The following ITIH5 variants were observed in gnomAD, a reference collection of about 807,000 sequenced individuals.
The protein encoded by ITIH5 is inter-alpha-trypsin inhibitor heavy chain H5.
ITIH5 carries 65 observed loss-of-function variants against 77.5 expected under a neutral mutation model. That is an observed-to-expected ratio of 0.84 (90% CI 0.69 to 1.03). The LOEUF is 1.03. Ranked by LOEUF, ITIH5 falls within the 50% of genes least tolerant of loss-of-function variation. ITIH5 has a pLI of 0.00. For synonymous variants in ITIH5, 525 were observed against 494.3 expected (o/e 1.06, Z -0.82); for missense variants, 1,208 against 1,213.1 (o/e 1.00, Z 0.06).
intron 8 of ITIH5, 59 bp downstream of exon 8, chr10:7,585,842 C>T: frequency 9.9e-7 from 1 of 1,008,672 alleles, no homozygotes; most frequent in Non-Finnish European, 1.3e-6. Context: ...AAAAAAAAAC[C>T]AAAAAAAAAA....
intron 7 of ITIH5, among the ~76,000 whole-genome samples, chr10:7,603,098 G>C (rs976118532): frequency 5.3e-5 from 8 of 152,134 alleles, no homozygotes; most frequent in African/African-American, 1.9e-4. Flanking sequence ...TCCCACCTCT[G>C]AGTGTAGCTG....
Position 7,576,673 on chromosome 10 carries a change from C to T in ITIH5, c.1758G>A (p.Leu586=). 6.2e-7 allele frequency: 1 copy of T among 1,614,196 alleles called. No individual in the cohort carries two copies. The highest frequency in any genetic ancestry group is 1.1e-5 in the South Asian group (1 of 91,088). ...LWSYLTTKEL[L]SSWLQSDDEP... ...CATCGTCACTTTGCAGCCAGGAGCT[C>T]AGCAGCTCCTTTGTGGTGAGGTAGC... Residue 586 remains leucine, a synonymous_variant, in exon 10 of 14, where the codon CTG becomes CTA. Coordinates refer to ENST00000397146, the MANE Select transcript of ITIH5 (RefSeq NM_030569.7).
intron 2 of ITIH5, among the ~76,000 whole-genome samples, chr10:7,643,936 T>C (rs1031678233): frequency 6.6e-6 from 1 of 152,120 alleles, no homozygotes; most frequent in Non-Finnish European, 1.5e-5. Context: ...ATTAGAGAGG[T>C]GGCTACAAAT....
intron 5 of ITIH5, chr10:7,620,570 G>C (rs1253601164): frequency 1.3e-5 from 2 of 152,254 alleles, no homozygotes; most frequent in Non-Finnish European, 2.9e-5. Context: ...CATGACATTT[G>C]TACCGTTTAT....
chr10:7,591,616 C>G (rs944921712), intron 7 of ITIH5, among the ~76,000 whole-genome samples: 39 of 152,142 alleles, frequency 2.6e-4, no homozygotes, highest in African/African-American at 8.7e-4. Context: ...CCTTGGAGCT[C>G]CCTTCCTCTT....
intron 7 of ITIH5, among the ~76,000 whole-genome samples, chr10:7,588,791 A>G (rs915001821): frequency 3.9e-5 from 6 of 152,344 alleles, no homozygotes; most frequent in African/African-American, 1.2e-4. Context: ...CGGAGTGTAC[A>G]GGCTCTTCCT....
At chr10:7,572,113 C>CTGTG in intron 11 of ITIH5, 3 of 1,063,476 alleles carry the variant, frequency 2.8e-6, no homozygotes, top group Non-Finnish European at 3.4e-6. Context: ...TCCATAAAGC[C>CTGTG]TGTGTGTGTG....
intron 7 of ITIH5, among the ~76,000 whole-genome samples, chr10:7,612,805 T>C (rs536556341): frequency 3.5e-4 from 53 of 152,302 alleles, no homozygotes; most frequent in African/African-American, 1.2e-3. Context: ...GCAATTATCA[T>C]ACTGATCGTA....
At chr10:7,579,124 G>T (rs1255244262) in intron 9 of ITIH5, among the ~76,000 whole-genome samples, 4 of 152,220 alleles carry the variant, frequency 2.6e-5, no homozygotes, top group African/African-American at 9.6e-5. Context: ...TGGCCACTGT[G>T]CCAGTGCTAT....
chr10:7,656,417 G>A (rs1007019568), intron 1 of ITIH5, among the ~76,000 whole-genome samples: 1 of 152,120 alleles, frequency 6.6e-6, no homozygotes, highest in Non-Finnish European at 1.5e-5. Flanking sequence ...GTCTCGCTAT[G>A]TTGTCCAGGT....
chr10:7,562,780 G>C lies in ITIH5; in HGVS notation c.*303C>G, dbSNP rs868808076. On this transcript the variant is annotated 3_prime_UTR_variant, in exon 14 of 14. Transcript: ENST00000397146. ...GCTAACAGAACAGAAAAGCAGGTTG[G>C]GACAAGATACAGACTTTGTTGCATT... is the stretch of plus-strand genomic sequence containing the variant. 1.5e-4 allele frequency: 54 copies of C among 371,124 alleles called. No homozygotes were observed. The Middle Eastern group carries it at 3.1e-3, about 21-fold the overall frequency. 23.0% of individuals were successfully genotyped at this position (371,124 alleles called of 1,614,324 possible).
At chr10:7,628,855 C>CTGTTGTAGCGTGTGTCCA (rs1564269098) in intron 5 of ITIH5, among the ~76,000 whole-genome samples, 1,918 of 73,380 alleles carry the variant, frequency 0.026, 171 homozygotes, top group African/African-American at 0.078. Context: ...GCGTGTGTCC[C>CTGTTGTAGCGTGTGTCCA]TGTTGTAGCG....
chr10:7,609,284 G>T, intron 7 of ITIH5: 1 of 371,276 alleles, frequency 2.7e-6, no homozygotes, highest in Non-Finnish European at 5.3e-6. Flanking sequence ...AAAAATGCAG[G>T]ATACATTTAT....
intron 7 of ITIH5, among the ~76,000 whole-genome samples, chr10:7,604,862 G>A (rs1035816159): frequency 4.0e-5 from 6 of 151,894 alleles, no homozygotes; most frequent in South Asian, 2.1e-4. Flanking sequence ...AGTCTGTGTC[G>A]CCAGGCTGGA....
chr10:7,574,622 T>C (rs1832369581), intron 10 of ITIH5, among the ~76,000 whole-genome samples: 1 of 151,778 alleles, frequency 6.6e-6, no homozygotes, highest in African/African-American at 2.4e-5. Context: ...TGAAACCCCA[T>C]CTCTACTAAA....
Position 7,566,084 on chromosome 10 carries a change from C to G in ITIH5, c.2473G>C (p.Gly825Arg), listed in dbSNP as rs765058487. ...CCCTCGCTGTTGGCAATGTAGAAAC[C>G]CAGGTGGTGTCGCTGGAAGGGCGCC... Reference protein sequence around the residue: ...KPAPFQRHHLGFYIANSEGLS... With the variant: ...KPAPFQRHHLRFYIANSEGLS... Residue 825 changes from glycine to arginine, a missense_variant, in exon 13 of 14, where the codon GGT becomes CGT. Coordinates refer to ENST00000397146, the MANE Select transcript of ITIH5 (RefSeq NM_030569.7). 3.1e-6 allele frequency: 5 copies of G among 1,614,130 alleles called. No individual in the cohort carries two copies. The highest frequency in any genetic ancestry group is 4.2e-6 in the Non-Finnish European group (5 of 1,180,028).
At chr10:7,581,656 A>G (rs532468423) in intron 8 of ITIH5, among the ~76,000 whole-genome samples, 1 of 149,328 alleles carries the variant, frequency 6.7e-6, no homozygotes, top group African/African-American at 2.5e-5. Context: ...TTCTGCATGT[A>G]TGTTACACTA....
At chr10:7,580,534 A>G (rs576757161) in intron 8 of ITIH5, among the ~76,000 whole-genome samples, 21 of 152,370 alleles carry the variant, frequency 1.4e-4, no homozygotes, top group East Asian at 5.8e-4. Context: ...CTAAATGCAT[A>G]TAAGTGAATG....
intron 5 of ITIH5, 95 bp downstream of exon 5, chr10:7,637,133 G>T: frequency 1.4e-6 from 2 of 1,432,362 alleles, no homozygotes; most frequent in South Asian, 1.3e-5. Context: ...CTTTGCTGAA[G>T]GGAAGGGTGC....
Sources: gnomAD v4.1 joint callset for allele counts (sites outside exome capture counted in the v4.1 genomes callset) on GRCh38, gnomAD v4.1.1 for gene constraint, MANE v1.5 for transcripts, NCBI Gene and HGNC (gene_info 2026-07-23, HGNC 2026-07-21) for gene names.